BCKDHB: variants seen among roughly 807,000 people sequenced by gnomAD.
The protein encoded by BCKDHB is 2-oxoisovalerate dehydrogenase subunit beta, mitochondrial.
In BCKDHB, 41 loss-of-function variants were observed where a neutral mutation model predicts 48.5. The observed-to-expected ratio is 0.85, with a 90% CI of 0.66 to 1.10. The LOEUF (loss-of-function observed/expected upper bound fraction) is 1.10, where lower values mean the gene tolerates loss of function less well. Ranked by LOEUF, BCKDHB falls within the 50% of genes least tolerant of loss-of-function variation. The probability of loss-of-function intolerance (pLI) is 0.00; values close to 1 mark genes in which losing one functional copy is unlikely to be tolerated. For missense variants in BCKDHB, 496 were observed against 494.2 expected (o/e 1.00, Z -0.03); for synonymous variants, 201 against 174.8 (o/e 1.15, Z -1.18).
At chr6:80,390,156 C>T in the BCKDHB span, among the ~76,000 whole-genome samples, 64 of 152,166 alleles carry the variant, frequency 4.2e-4, no homozygotes, top group Non-Finnish European at 6.5e-4. Context: ...TATTACTCCA[C>T]AACAGAGGTA....
At position 80,221,722 on chromosome 6, in the gene BCKDHB, G is replaced by A. The variant is rs79040420; in HGVS notation, c.951+18510G>A. Among the ~76,000 whole-genome samples, 39 of 152,178 alleles carry A rather than the reference G, an allele frequency of 2.6e-4. No homozygotes were observed. In the East Asian group the frequency reaches 7.5e-3, roughly 29 times the overall value. On this transcript the variant is annotated intron_variant, in intron 8 of 9. Transcript: ENST00000320393. ...TTATAAGGCCCAATTTGAACTTATT[G>A]AATTATTAAGTAGAAAATTGAAAGT...
chr6:80,130,489 A>G (rs1770573878), intron 3 of BCKDHB, among the ~76,000 whole-genome samples: 1 of 152,226 alleles, frequency 6.6e-6, no homozygotes, highest in East Asian at 1.9e-4. Context: ...TTCCATTTAT[A>G]GCAGGTTGAG....
chr6:80,391,037 C>T, the BCKDHB span, among the ~76,000 whole-genome samples: 1 of 152,140 alleles, frequency 6.6e-6, no homozygotes. Flanking sequence ...CATTGGACTC[C>T]AAGTTCTTCA....
chr6:80,266,108 G>A lies in BCKDHB; in HGVS notation c.952-7027G>A, dbSNP rs534759449. Among the ~76,000 whole-genome samples the A allele has an allele frequency of 2.6e-5, 4 of 152,150 alleles. No homozygotes were observed. In the East Asian group the frequency reaches 7.7e-4, roughly 29 times the overall value. On this transcript the variant is annotated intron_variant, in intron 8 of 9. Transcript: ENST00000320393. ...GATTGTGTCTCAAAAGTACAACTTG[G>A]CTTTGTAGTAGACCTTTTCAACAGT...
chr6:80,201,524 C>T (rs1774394018), intron 7 of BCKDHB, among the ~76,000 whole-genome samples: 2 of 152,118 alleles, frequency 1.3e-5, no homozygotes, highest in African/African-American at 4.8e-5. Context: ...TAATTAGAAA[C>T]ACATATCTTT....
At chr6:80,379,959 C>T in the BCKDHB span, among the ~76,000 whole-genome samples, 1 of 151,924 alleles carries the variant, frequency 6.6e-6, no homozygotes, top group Non-Finnish European at 1.5e-5. Context: ...TAGAAAAATA[C>T]CCCATGCTCA....
At chr6:80,296,079 G>T (rs940150123) in intron 9 of BCKDHB, among the ~76,000 whole-genome samples, 1 of 152,164 alleles carries the variant, frequency 6.6e-6, no homozygotes, top group Non-Finnish European at 1.5e-5. Context: ...TATTAGTTCA[G>T]TTCATGCAGT....
intron 3 of BCKDHB, among the ~76,000 whole-genome samples, chr6:80,131,467 C>T (rs1445099692): frequency 7.2e-5 from 11 of 152,108 alleles, no homozygotes; most frequent in Non-Finnish European, 1.6e-4. Context: ...CTGGCCCCTC[C>T]TTTCCATTCT....
chr6:80,165,672 G>A (rs991458307), intron 3 of BCKDHB, among the ~76,000 whole-genome samples: 2 of 152,196 alleles, frequency 1.3e-5, no homozygotes, highest in Admixed American at 1.3e-4. Flanking sequence ...GAAACGTCAA[G>A]TGAGAATTGA....
intron 8 of BCKDHB, among the ~76,000 whole-genome samples, chr6:80,264,246 C>T (rs545565823): frequency 6.6e-6 from 1 of 152,240 alleles, no homozygotes; most frequent in East Asian, 1.9e-4. Flanking sequence ...CTTTGCTTCC[C>T]CAGTATTAGC....
chr6:80,158,067 G>A (rs1415110651), intron 3 of BCKDHB, among the ~76,000 whole-genome samples: 1 of 152,106 alleles, frequency 6.6e-6, no homozygotes, highest in Non-Finnish European at 1.5e-5. Context: ...GGCACTATTG[G>A]ACTACTGATG....
At chr6:80,450,116 G>A in the BCKDHB span, among the ~76,000 whole-genome samples, 1 of 152,116 alleles carries the variant, frequency 6.6e-6, no homozygotes, top group Non-Finnish European at 1.5e-5. Context: ...TGAAAGAGCT[G>A]CAGAGGAAAA....
chr6:80,423,028 C>G, the BCKDHB span, among the ~76,000 whole-genome samples: 1 of 152,052 alleles, frequency 6.6e-6, no homozygotes, highest in South Asian at 2.1e-4. Flanking sequence ...CTCTGTGTCC[C>G]CACCCAAAAT....
intron 7 of BCKDHB, among the ~76,000 whole-genome samples, chr6:80,201,455 T>A (rs1774391106): frequency 1.3e-5 from 2 of 152,156 alleles, no homozygotes; most frequent in African/African-American, 2.4e-5. Context: ...AGGTGAGGTG[T>A]CTATATATAT....
At chr6:80,237,426 G>T (rs1308846836) in intron 8 of BCKDHB, among the ~76,000 whole-genome samples, 1 of 152,148 alleles carries the variant, frequency 6.6e-6, no homozygotes, top group Non-Finnish European at 1.5e-5. Flanking sequence ...CTATGTAGGT[G>T]ATTTCTAGTG....
At chr6:80,219,166 CT>C (rs1775300694) in intron 8 of BCKDHB, among the ~76,000 whole-genome samples, 1 of 150,406 alleles carries the variant, frequency 6.6e-6, no homozygotes, top group African/African-American at 2.4e-5. Context: ...TTTAAAATAT[CT>C]TGAAGATCAC....
the BCKDHB span, among the ~76,000 whole-genome samples, chr6:80,361,780 G>A: frequency 1.1e-3 from 175 of 152,282 alleles, no homozygotes; most frequent in African/African-American, 4.0e-3. Flanking sequence ...CATGAAAGAG[G>A]GATTGTCACG....
chr6:80,343,819 A>T lies in BCKDHB; in HGVS notation c.*15A>T. 1 of 1,613,662 alleles carries T rather than the reference A, an allele frequency of 6.2e-7. No homozygotes were observed. The highest frequency in any genetic ancestry group is 8.5e-7 in the Non-Finnish European group (1 of 1,179,660). On this transcript the variant is annotated 3_prime_UTR_variant, in exon 10 of 10. Coordinates refer to ENST00000320393, the MANE Select transcript of BCKDHB (RefSeq NM_183050.4). Reference sequence around the variant, plus strand: ...TCAACTATTGACCATATAGGTAGGTATGCATCTTGAGAAAGCTACTATGTG... The same window carrying T: ...TCAACTATTGACCATATAGGTAGGTTTGCATCTTGAGAAAGCTACTATGTG...
the BCKDHB span, among the ~76,000 whole-genome samples, chr6:80,410,090 T>C: frequency 2.0e-5 from 3 of 152,224 alleles, no homozygotes. Context: ...GGTACTGGTT[T>C]TTCTTTTCCA....
Sources: gnomAD v4.1 joint callset for allele counts (sites outside exome capture counted in the v4.1 genomes callset) on GRCh38, gnomAD v4.1.1 for gene constraint, MANE v1.5 for transcripts, NCBI Gene and HGNC (gene_info 2026-07-23, HGNC 2026-07-21) for gene names.